FAM135B: variants seen among roughly 807,000 people sequenced by gnomAD.
FAM135B encodes the protein protein FAM135B.
A neutral mutation model predicts 127.7 loss-of-function variants in FAM135B; 43 were observed. That is an observed-to-expected ratio of 0.34 (90% CI 0.26 to 0.43). FAM135B has a LOEUF of 0.43. Among genes scored for constraint, FAM135B ranks in the 20% least tolerant of loss-of-function variants. FAM135B has a pLI of 1.00. For synonymous variants in FAM135B, 670 were observed against 665.1 expected, an observed-to-expected ratio of 1.01 and a Z score of -0.11; for missense variants, 1,558 against 1,725.6, an observed-to-expected ratio of 0.90 and a Z score of 1.72.
rs140075341 is a variant in FAM135B at position 138,195,406 on chromosome 8, C to T, written c.824-99G>A. On this transcript the variant is annotated intron_variant, in intron 8 of 19. Transcript: ENST00000395297. ...AGCAAAAGTTTCACATTGGCATTAACGTCACAGAGACAAACACATTGCTGA... is the reference window on the plus strand; with the variant it reads ...AGCAAAAGTTTCACATTGGCATTAATGTCACAGAGACAAACACATTGCTGA... 2.1e-3 allele frequency: 2,377 copies of T among 1,134,866 alleles called. 45 individuals carry two copies. The African/African-American group carries it at 0.03, about 14-fold the overall frequency. 70.3% of individuals were successfully genotyped at this position (1,134,866 alleles called of 1,614,324 possible). A position where few individuals can be genotyped will look rare whatever the true frequency, so the allele number is the denominator to read the frequency against.
At chr8:138,370,521 G>A (rs1310368864) in intron 1 of FAM135B, among the ~76,000 whole-genome samples, 1 of 151,896 alleles carries the variant, frequency 6.6e-6, no homozygotes, top group Non-Finnish European at 1.5e-5. Flanking sequence ...GCTCCATCTC[G>A]GCTCACTGCA....
At chr8:138,319,861 A>C (rs1326229850) in intron 2 of FAM135B, among the ~76,000 whole-genome samples, 2 of 152,210 alleles carry the variant, frequency 1.3e-5, no homozygotes, top group African/African-American at 4.8e-5. Flanking sequence ...TCTAAACTTC[A>C]TGGGTATACT....
intron 19 of FAM135B, among the ~76,000 whole-genome samples, chr8:138,134,335 A>G (rs1458057265): frequency 6.6e-6 from 1 of 152,244 alleles, no homozygotes; most frequent in African/African-American, 2.4e-5. Flanking sequence ...TGTTACACAA[A>G]TACCATAATT....
chr8:138,240,269 G>A (rs1001524642), intron 7 of FAM135B, among the ~76,000 whole-genome samples: 2 of 152,170 alleles, frequency 1.3e-5, no homozygotes, highest in African/African-American at 2.4e-5. Flanking sequence ...AACAGTCTCC[G>A]AGATAGAAAT....
chr8:138,395,871 T>C (rs759749751), intron 1 of FAM135B, among the ~76,000 whole-genome samples: 4 of 152,238 alleles, frequency 2.6e-5, no homozygotes, highest in Non-Finnish European at 5.9e-5. Flanking sequence ...CTTCTTTATA[T>C]GTCTGTGGTG....
At chr8:138,361,218 G>T (rs1470231627) in intron 2 of FAM135B, among the ~76,000 whole-genome samples, 1 of 152,050 alleles carries the variant, frequency 6.6e-6, no homozygotes, top group Non-Finnish European at 1.5e-5. Flanking sequence ...GAGCCACCTC[G>T]CCCAGCCAAG....
chr8:138,320,975 A>G (rs1827413306), intron 2 of FAM135B, among the ~76,000 whole-genome samples: 1 of 152,222 alleles, frequency 6.6e-6, no homozygotes, highest in African/African-American at 2.4e-5. Flanking sequence ...ATAGCATGAA[A>G]CAACCGCTCT....
chr8:138,320,584 T>C (rs1233143963), intron 2 of FAM135B, among the ~76,000 whole-genome samples: 1 of 152,214 alleles, frequency 6.6e-6, no homozygotes, highest in Non-Finnish European at 1.5e-5. Context: ...TTTACTTCTT[T>C]TGTATTCCTT....
At chr8:138,195,154 A>G in intron 9 of FAM135B, 104 bp downstream of exon 9, 1 of 1,020,126 alleles carries the variant, frequency 9.8e-7, no homozygotes, top group South Asian at 1.4e-5. Flanking sequence ...TGAAGTTACA[A>G]GTGGTGTCTT....
intron 7 of FAM135B, among the ~76,000 whole-genome samples, chr8:138,211,569 T>C (rs1010630218): frequency 6.6e-6 from 1 of 152,250 alleles, no homozygotes; most frequent in Non-Finnish European, 1.5e-5. Context: ...CATATGGCCA[T>C]GCTGAAGTGA....
chr8:138,146,133 C>T, intron 14 of FAM135B, 83 bp from the exon 15 acceptor site: 1 of 700,478 alleles, frequency 1.4e-6, no homozygotes, highest in South Asian at 1.9e-5. Flanking sequence ...TTTCTCTCTC[C>T]CTCTTTCCCC....
intron 15 of FAM135B, among the ~76,000 whole-genome samples, chr8:138,144,606 T>C (rs1016540277): frequency 1.3e-5 from 2 of 152,192 alleles, no homozygotes; most frequent in Admixed American, 6.5e-5. Flanking sequence ...TAAAAAGTAA[T>C]ATCAGGAACT....
At chr8:138,192,587 T>C (rs1027522871) in intron 9 of FAM135B, among the ~76,000 whole-genome samples, 3 of 39,212 alleles carry the variant, frequency 7.7e-5, no homozygotes, top group African/African-American at 2.2e-4. Context: ...ATCACCCAGA[T>C]TGATAAACTC....
intron 14 of FAM135B, among the ~76,000 whole-genome samples, chr8:138,147,332 G>A (rs2130674533): frequency 6.6e-6 from 1 of 151,750 alleles, no homozygotes; most frequent in East Asian, 1.9e-4. Context: ...GTTAAGTAAT[G>A]GGTAGAAATG....
chr8:138,145,587 C>T (rs1275230005), intron 15 of FAM135B, among the ~76,000 whole-genome samples: 2 of 152,188 alleles, frequency 1.3e-5, no homozygotes, highest in Non-Finnish European at 2.9e-5. Flanking sequence ...AACATCTATA[C>T]CTCTGTGTAC....
intron 3 of FAM135B, among the ~76,000 whole-genome samples, chr8:138,271,292 T>C (rs1025655784): frequency 1.3e-5 from 2 of 152,190 alleles, no homozygotes; most frequent in East Asian, 3.9e-4. Flanking sequence ...TCAAAGAATA[T>C]AAAACATTTT....
chr8:138,249,095 A>G (rs1372948781), intron 6 of FAM135B, among the ~76,000 whole-genome samples: 2 of 152,114 alleles, frequency 1.3e-5, no homozygotes, highest in Non-Finnish European at 2.9e-5. Context: ...TTCAGCAGAG[A>G]CAGCCTGCTA....
At chr8:138,274,381 G>A (rs1823644248) in intron 3 of FAM135B, among the ~76,000 whole-genome samples, 1 of 152,214 alleles carries the variant, frequency 6.6e-6, no homozygotes. Context: ...GGGAGGGAAT[G>A]TGTGAATAGG....
rs2130785202 is a variant in FAM135B at position 138,152,902 on chromosome 8, C to T, written c.1573G>A (p.Asp525Asn). ...TCTGCCACTGGATATGTCCCAGCATCAGATGTTTGGCCAGTCCAACATTCA... is the reference window on the plus strand; with the variant it reads ...TCTGCCACTGGATATGTCCCAGCATTAGATGTTTGGCCAGTCCAACATTCA... ...EDECWTGQTS[D>N]AGTYPVADVD... The change falls in exon 13 of 20, where the codon GAT (aspartate) becomes AAT (asparagine). Residue 525 changes from aspartate to asparagine, a missense_variant. Asp to Asn is a conservative substitution (Grantham distance 23). Coordinates refer to ENST00000395297, the MANE Select transcript of FAM135B (RefSeq NM_015912.4). 6.2e-7 allele frequency: 1 copy of T among 1,614,196 alleles called. No individual in the cohort carries two copies. The highest frequency in any genetic ancestry group is 1.3e-5 in the African/African-American group (1 of 75,056).
Sources: gnomAD v4.1 joint callset for allele counts (sites outside exome capture counted in the v4.1 genomes callset) on GRCh38, gnomAD v4.1.1 for gene constraint, MANE v1.5 for transcripts, NCBI Gene and HGNC (gene_info 2026-07-23, HGNC 2026-07-21) for gene names.